MPPED2: variants seen among roughly 807,000 people sequenced by gnomAD.
MPPED2 encodes the protein metallophosphoesterase domain containing 2.
Under a neutral mutation model 33.0 loss-of-function variants are expected in MPPED2, and 5 were observed. The observed-to-expected ratio is 0.15, with a 90% CI of 0.08 to 0.32. The LOEUF (loss-of-function observed/expected upper bound fraction) is 0.32. Ranked by LOEUF, MPPED2 falls within the 10% of genes least tolerant of loss-of-function variation. The pLI, the probability that MPPED2 is intolerant of heterozygous loss-of-function variation, is 1.00. For synonymous variants in MPPED2, 136 were observed against 141.9 expected (o/e 0.96, Z 0.29); for missense variants, 275 against 372.1 (o/e 0.74, Z 2.15).
In MPPED2 at chr11:30,414,938, G is replaced by A. The variant is rs376475676; in HGVS notation, c.653-597C>T. 1.5e-4 allele frequency among the ~76,000 whole-genome samples: 23 copies of A among 152,230 alleles called. No individual in the cohort carries two copies. The East Asian group carries it at 3.3e-3, about 22-fold the overall frequency. On this transcript the variant is annotated intron_variant, in intron 5 of 6. Coordinates refer to ENST00000358117, the MANE Select transcript of MPPED2 (RefSeq NM_001584.3). The stretch of plus-strand genomic sequence containing the variant: ...GGCATCCAGCAAGCTGGGGCTAATT[G>A]ACTACTTTTAAAGTAAAAGCCACTT...
chr11:30,564,439 G>C (rs927966653), intron 2 of MPPED2, among the ~76,000 whole-genome samples: 42 of 152,260 alleles, frequency 2.8e-4, no homozygotes, highest in African/African-American at 9.6e-4. Flanking sequence ...TTTAACCTTT[G>C]CAATGGCCCT....
chr11:30,440,330 C>CAA (rs34148273), intron 4 of MPPED2, among the ~76,000 whole-genome samples: 34 of 123,088 alleles, frequency 2.8e-4, no homozygotes, highest in Non-Finnish European at 3.1e-4. Context: ...ACTCCGTCTC[C>CAA]AAAAAAAAAA....
downstream of MPPED2, among the ~76,000 whole-genome samples, chr11:30,407,646 C>T (rs187767300): frequency 3.3e-3 from 503 of 152,254 alleles, 2 homozygotes; most frequent in Non-Finnish European, 6.1e-3. Context: ...CCGAGGCAGG[C>T]GGGTCACCTG....
downstream of MPPED2, among the ~76,000 whole-genome samples, chr11:30,405,877 T>C (rs770336505): frequency 6.6e-6 from 1 of 152,178 alleles, no homozygotes; most frequent in South Asian, 2.1e-4. Context: ...GAGATGGGAA[T>C]GATTCCTTTT....
intron 5 of MPPED2, among the ~76,000 whole-genome samples, chr11:30,417,094 C>T (rs1373487594): frequency 6.6e-6 from 1 of 152,130 alleles, no homozygotes; most frequent in Non-Finnish European, 1.5e-5. Context: ...CAGGTTCCAG[C>T]ATTATATGGA....
At chr11:30,531,771 C>T (rs1259541698) in intron 3 of MPPED2, among the ~76,000 whole-genome samples, 2 of 152,250 alleles carry the variant, frequency 1.3e-5, no homozygotes, top group Non-Finnish European at 2.9e-5. Flanking sequence ...GCTCTTCCAT[C>T]GGCCAGCTTA....
chr11:30,467,793 G>T (rs983278230), intron 4 of MPPED2, among the ~76,000 whole-genome samples: 1 of 152,164 alleles, frequency 6.6e-6, no homozygotes, highest in Non-Finnish European at 1.5e-5. Context: ...TTAAAAACTC[G>T]AGTTGCTGGT....
chr11:30,534,459 T>A (rs1432291016), intron 3 of MPPED2, among the ~76,000 whole-genome samples: 1 of 152,176 alleles, frequency 6.6e-6, no homozygotes, highest in Non-Finnish European at 1.5e-5. Context: ...TCTCTACATC[T>A]CTGTGTCATC....
At chr11:30,441,295 A>C (rs142093796) in intron 4 of MPPED2, 1 of 152,246 alleles carries the variant, frequency 6.6e-6, no homozygotes, top group South Asian at 2.1e-4. Flanking sequence ...TGCTGGAAAC[A>C]CATGCTTTCC....
chr11:30,501,434 T>C (rs1282055490), intron 3 of MPPED2, among the ~76,000 whole-genome samples: 1 of 152,250 alleles, frequency 6.6e-6, no homozygotes, highest in Non-Finnish European at 1.5e-5. Context: ...GTCTCCAACC[T>C]GCACACAATG....
intron 2 of MPPED2, among the ~76,000 whole-genome samples, chr11:30,558,261 C>T (rs996468333): frequency 3.9e-5 from 6 of 152,122 alleles, no homozygotes; most frequent in Non-Finnish European, 5.9e-5. Flanking sequence ...ACCCAATAGT[C>T]GTTCTCATGC....
intron 4 of MPPED2, among the ~76,000 whole-genome samples, chr11:30,479,173 T>C (rs1951365256): frequency 6.6e-6 from 1 of 151,598 alleles, no homozygotes; most frequent in African/African-American, 2.4e-5. Flanking sequence ...GCCAAAAGGG[T>C]GGAAAAAGTG....
At chr11:30,497,725 T>G (rs1952347285) in intron 3 of MPPED2, among the ~76,000 whole-genome samples, 1 of 144,094 alleles carries the variant, frequency 6.9e-6, no homozygotes, top group African/African-American at 2.9e-5. Flanking sequence ...TTCTTTCTTT[T>G]TAGTAAAACT....
At chr11:30,526,119 GA>G (rs1018978555) in intron 3 of MPPED2, among the ~76,000 whole-genome samples, 21 of 152,064 alleles carry the variant, frequency 1.4e-4, no homozygotes, top group Non-Finnish European at 2.1e-4. Flanking sequence ...ATTCATATAG[GA>G]AAAAAATTAT....
chr11:30,455,955 G>A (rs532836823), intron 4 of MPPED2, among the ~76,000 whole-genome samples: 26 of 152,346 alleles, frequency 1.7e-4, no homozygotes, highest in African/African-American at 6.0e-4. Context: ...CAGACAGGAC[G>A]CTGCCCTGGG....
chr11:30,536,019 C>T lies in MPPED2; in HGVS notation c.285G>A (p.Glu95=). 1.2e-6 allele frequency: 2 copies of T among 1,609,332 alleles called. No individual in the cohort carries two copies. Among genetic ancestry groups the T allele is most frequent in the Middle Eastern group, 1.7e-4 (1 of 5,920 alleles). ...GDFTELGLPS[E]VKKFNDWLGN... is the part of the protein sequence containing the mutation. Reference sequence around the variant, plus strand: ...CTAACCAGTCATTAAACTTCTTAACCTCTGAGGGCAGTCCCAGCTCGGTGA... The same window carrying T: ...CTAACCAGTCATTAAACTTCTTAACTTCTGAGGGCAGTCCCAGCTCGGTGA... Residue 95 remains glutamate, a synonymous_variant, in exon 3 of 7, where the codon GAG becomes GAA. Coordinates refer to ENST00000358117, the MANE Select transcript of MPPED2 (RefSeq NM_001584.3).
chr11:30,442,951 C>A (rs564743), intron 4 of MPPED2, among the ~76,000 whole-genome samples: 18,733 of 152,064 alleles, frequency 0.12, 1,538 homozygotes, highest in South Asian at 0.24. Flanking sequence ...TATGATCACA[C>A]CACTGCACGC....
At chr11:30,530,617 G>A (rs1478719223) in intron 3 of MPPED2, among the ~76,000 whole-genome samples, 2 of 152,174 alleles carry the variant, frequency 1.3e-5, no homozygotes, top group African/African-American at 4.8e-5. Flanking sequence ...GGTGTGAAGG[G>A]ACATGTTGCA....
chr11:30,428,760 T>A (rs1948952347), intron 4 of MPPED2, among the ~76,000 whole-genome samples: 1 of 152,210 alleles, frequency 6.6e-6, no homozygotes, highest in South Asian at 2.1e-4. Context: ...ACGTATGTTG[T>A]GCAGATTAAA....
Sources: allele counts gnomAD v4.1 joint callset (sites outside exome capture counted in the v4.1 genomes callset), GRCh38; gene constraint gnomAD v4.1.1; transcripts MANE v1.5; gene names NCBI Gene and HGNC (gene_info 2026-07-23, HGNC 2026-07-21).